Variants in HIVEP3 observed in about 807,000 individuals in gnomAD.
HIVEP3 encodes the protein HIVEP zinc finger 3, also known as transcription factor HIVEP3.
A neutral mutation model predicts 152.8 loss-of-function variants in HIVEP3; 49 were observed. The ratio of observed to expected loss-of-function variants is 0.32; its 90% CI spans 0.26 to 0.41. The LOEUF is 0.41. Ranked by LOEUF, HIVEP3 falls within the 10% of genes least tolerant of loss-of-function variation. The pLI, the probability that HIVEP3 is intolerant of heterozygous loss-of-function variation, is 1.00. For synonymous variants in HIVEP3, 1,269 were observed against 1,289.0 expected (o/e 0.98, Z 0.33); for missense variants, 2,790 against 3,103.3 (o/e 0.90, Z 2.40).
At chr1:41,775,973 C>T (rs1648683182) in intron 1 of HIVEP3, among the ~76,000 whole-genome samples, 1 of 152,202 alleles carries the variant, frequency 6.6e-6, no homozygotes, top group African/African-American at 2.4e-5. Context: ...TTATGTGCCT[C>T]CACATCCATT....
At chr1:41,990,606 A>G (rs1371179756) in intron 1 of HIVEP3, among the ~76,000 whole-genome samples, 1 of 149,666 alleles carries the variant, frequency 6.7e-6, no homozygotes, top group Non-Finnish European at 1.5e-5. Context: ...ACAGAAAGTC[A>G]ACAAGGATAC....
intron 1 of HIVEP3, among the ~76,000 whole-genome samples, chr1:42,026,320 C>T (rs930493641): frequency 2.0e-5 from 3 of 152,134 alleles, no homozygotes; most frequent in Admixed American, 6.5e-5. Flanking sequence ...CCTGCAAGGC[C>T]GCCAAAACTA....
Position 41,856,564 on chromosome 1 carries a change from G to A in HIVEP3, c.-801+61849C>T, listed in dbSNP as rs569790723. On this transcript the variant is annotated intron_variant, in intron 1 of 8. Coordinates refer to ENST00000372583, the MANE Select transcript of HIVEP3 (RefSeq NM_024503.5). ...AACAAGCGGGCGTTCGCACATGCACGTGCACAAGGTGTGCAGAAGTTGAAG... is the reference window on the plus strand; with the variant it reads ...AACAAGCGGGCGTTCGCACATGCACATGCACAAGGTGTGCAGAAGTTGAAG... Among the ~76,000 whole-genome samples, 13 of 152,314 alleles carry A rather than the reference G, an allele frequency of 8.5e-5. No homozygotes were observed. The South Asian group carries it at 1.4e-3, about 17-fold the overall frequency.
intron 1 of HIVEP3, among the ~76,000 whole-genome samples, chr1:41,774,808 A>ATTTATTTATTTATTTT (rs1183301943): frequency 6.7e-6 from 1 of 149,748 alleles, no homozygotes; most frequent in South Asian, 2.1e-4. Flanking sequence ...TTATTTATTT[A>ATTTATTTATTTATTTT]TTTTTTGAGA....
intron 5 of HIVEP3, among the ~76,000 whole-genome samples, chr1:41,529,279 C>G (rs1643152820): frequency 7.0e-6 from 1 of 143,836 alleles, no homozygotes; most frequent in Non-Finnish European, 1.5e-5. Context: ...CATGCTCACA[C>G]CCCCCACTGA....
chr1:41,995,307 G>A (rs1645389852), intron 1 of HIVEP3, among the ~76,000 whole-genome samples: 1 of 152,166 alleles, frequency 6.6e-6, no homozygotes, highest in African/African-American at 2.4e-5. Flanking sequence ...TTCAAAGAGT[G>A]TAGTTGTCTT....
At chr1:41,738,631 C>T (rs1016868762) in intron 1 of HIVEP3, among the ~76,000 whole-genome samples, 1 of 152,162 alleles carries the variant, frequency 6.6e-6, no homozygotes, top group African/African-American at 2.4e-5. Flanking sequence ...GACCTGGACT[C>T]AGGCTTGGAA....
chr1:41,790,304 T>A (rs1243688118), intron 1 of HIVEP3, among the ~76,000 whole-genome samples: 4 of 152,084 alleles, frequency 2.6e-5, no homozygotes, highest in Admixed American at 1.3e-4. Context: ...CACCATGGGA[T>A]CTCTGAACAT....
intron 5 of HIVEP3, among the ~76,000 whole-genome samples, chr1:41,544,649 CACTACCACCACT>C (rs1406840963): frequency 6.7e-6 from 1 of 149,058 alleles, no homozygotes; most frequent in African/African-American, 2.5e-5. Context: ...TCACCACCAC[CACTACCACCACT>C]ACTACCACCA....
Position 41,930,076 on chromosome 1 carries a change from A to C in HIVEP3, n.120-11552T>G, listed in dbSNP as rs530760911. ...TCATCATCTTCAATGAATTTATGTT[A>C]TACACGTGCAATGCAGTTAGATTCA... On this transcript the variant is annotated intron_variant and non_coding_transcript_variant, in intron 1 of 3. Transcript: ENST00000489103. Among the ~76,000 whole-genome samples, 7 of 152,260 alleles carry C rather than the reference A, an allele frequency of 4.6e-5. No individual in the cohort carries two copies. The East Asian group carries it at 1.2e-3, about 25-fold the overall frequency.
At chr1:41,927,772 G>A (rs1011052089) in intron 1 of HIVEP3, among the ~76,000 whole-genome samples, 2 of 152,056 alleles carry the variant, frequency 1.3e-5, no homozygotes, top group African/African-American at 2.4e-5. Flanking sequence ...TTTTAAAAAC[G>A]GCTTGTAGGC....
At chr1:41,962,029 G>C (rs1317613131) in intron 1 of HIVEP3, among the ~76,000 whole-genome samples, 1 of 152,242 alleles carries the variant, frequency 6.6e-6, no homozygotes, top group Non-Finnish European at 1.5e-5. Flanking sequence ...CAAGAATTAA[G>C]TTACAAACCC....
Position 41,551,504 on chromosome 1 carries a change from G to A in HIVEP3, c.5207+24040C>T, listed in dbSNP as rs973918884. 2.0e-5 allele frequency among the ~76,000 whole-genome samples: 3 copies of A among 152,114 alleles called. 1 individual carries two copies. Among genetic ancestry groups the A allele is most frequent in the Non-Finnish European group, 4.4e-5 (3 of 68,026 alleles). On this transcript the variant is annotated intron_variant, in intron 5 of 8. Transcript: ENST00000372583. Reference sequence around the variant, plus strand: ...TAGAATTGGGCTGTGAATCCATCTGGTCCTGGACTGTTTTTGGTTGGTAGG... The same window carrying A: ...TAGAATTGGGCTGTGAATCCATCTGATCCTGGACTGTTTTTGGTTGGTAGG...
At chr1:41,782,824 A>T (rs943828024) in intron 1 of HIVEP3, among the ~76,000 whole-genome samples, 1 of 152,162 alleles carries the variant, frequency 6.6e-6, no homozygotes, top group Non-Finnish European at 1.5e-5. Flanking sequence ...TAAGACCACA[A>T]TATAATGAAT....
chr1:41,906,814 G>A (rs552736977), intron 1 of HIVEP3, among the ~76,000 whole-genome samples: 1 of 147,898 alleles, frequency 6.8e-6, no homozygotes, highest in South Asian at 2.2e-4. Flanking sequence ...TTTGTTCCTT[G>A]TTCTTTCTTT....
chr1:41,818,197 G>C (rs1034397575), intron 1 of HIVEP3, among the ~76,000 whole-genome samples: 5 of 152,228 alleles, frequency 3.3e-5, no homozygotes, highest in Non-Finnish European at 7.3e-5. Context: ...GAGAATCCAA[G>C]TGGGTAACAG....
chr1:41,581,986 C>A lies in HIVEP3; in HGVS notation c.2812G>T (p.Val938Phe), dbSNP rs372310580. The A allele has an allele frequency of 6.2e-7, 1 of 1,614,200 alleles. No individual in the cohort carries two copies. The highest frequency in any genetic ancestry group is 1.3e-5 in the African/African-American group (1 of 75,042). ...LSRSPSQESN[V>F]SLSGSSRSAS... Reference sequence around the variant, plus strand: ...GAGCGGCTGGACCCACTCAAAGAGACATTGCTTTCCTGGCTCGGGCTGCGA... The same window carrying A: ...GAGCGGCTGGACCCACTCAAAGAGAAATTGCTTTCCTGGCTCGGGCTGCGA... The change falls in exon 4 of 9, where the codon GTC becomes TTC. Residue 938 changes from valine (V) to phenylalanine (F), a missense_variant. This residue lies in a region of HIVEP3 where 1,078 missense variants were observed against 1,165.3 expected (regional missense o/e 0.93). Transcript: ENST00000372583. This position sits in a 1 kb window ranked among gnomAD's most constrained non-coding sequence, Gnocchi z 4.5.
At chr1:41,698,317 C>T (rs1234914091) in intron 2 of HIVEP3, among the ~76,000 whole-genome samples, 1 of 152,128 alleles carries the variant, frequency 6.6e-6, no homozygotes, top group African/African-American at 2.4e-5. Flanking sequence ...TTGTCTCTAC[C>T]TGGGTAGAGA....
intron 1 of HIVEP3, among the ~76,000 whole-genome samples, chr1:41,820,602 A>G (rs1642567820): frequency 6.6e-6 from 1 of 152,244 alleles, no homozygotes; most frequent in Non-Finnish European, 1.5e-5. Context: ...TGTCTGAGAA[A>G]TAGCCATCCA....
Sources: allele counts gnomAD v4.1 joint callset (sites outside exome capture counted in the v4.1 genomes callset), GRCh38; gene constraint gnomAD v4.1.1; regional missense constraint gnomAD v4.1.1; non-coding constraint Gnocchi (gnomAD v3.1); transcripts MANE v1.5; gene names NCBI Gene and HGNC (gene_info 2026-07-23, HGNC 2026-07-21).